SYN3: variants seen among roughly 807,000 people sequenced by gnomAD.
SYN3 encodes the protein synapsin III.
Under a neutral mutation model 65.8 loss-of-function variants are expected in SYN3, and 35 were observed. The observed-to-expected ratio is 0.53, with a 90% CI of 0.41 to 0.70. The LOEUF is 0.70. Among genes scored for constraint, SYN3 ranks in the 30% least tolerant of loss-of-function variants. The pLI is 0.00. For synonymous variants in SYN3, 270 were observed against 292.9 expected (o/e 0.92, Z 0.80); for missense variants, 680 against 749.0 (o/e 0.91, Z 1.08).
intron 6 of SYN3, among the ~76,000 whole-genome samples, chr22:32,682,066 G>A (rs2060530398): frequency 6.6e-6 from 1 of 152,126 alleles, no homozygotes; most frequent in Non-Finnish European, 1.5e-5. Flanking sequence ...CACGGGAGAT[G>A]AGGGGCAGCA....
rs113802014 is a variant in SYN3, at chr22:32,946,085, T to C, written c.370-14604A>G. ...GTGGAGAAATAGGAACACTTTTACATTGTTGGTGGGACTGTAAACTAGTTC... is the reference window on the plus strand; with the variant it reads ...GTGGAGAAATAGGAACACTTTTACACTGTTGGTGGGACTGTAAACTAGTTC... On this transcript the variant is annotated intron_variant, in intron 3 of 13. Coordinates refer to ENST00000358763, the MANE Select transcript of SYN3 (RefSeq NM_003490.4). Among the ~76,000 whole-genome samples the C allele has an allele frequency of 2.4e-4, 36 of 152,274 alleles. No homozygotes were observed. The East Asian group carries it at 4.3e-3, about 18-fold the overall frequency.
At chr22:32,679,998 TA>T (rs2060502450) in intron 6 of SYN3, among the ~76,000 whole-genome samples, 1 of 152,088 alleles carries the variant, frequency 6.6e-6, no homozygotes, top group Admixed American at 6.5e-5. Flanking sequence ...TTTCTCCCAC[TA>T]GAATATAAAC....
chr22:32,636,039 C>T (rs1249263684), intron 6 of SYN3, among the ~76,000 whole-genome samples: 1 of 152,064 alleles, frequency 6.6e-6, no homozygotes, highest in Non-Finnish European at 1.5e-5. Context: ...TGAATGTTGT[C>T]CCCAAAGAAA....
chr22:32,703,531 G>A (rs2060837978), intron 6 of SYN3, among the ~76,000 whole-genome samples: 1 of 152,000 alleles, frequency 6.6e-6, no homozygotes, highest in Non-Finnish European at 1.5e-5. Context: ...CAGCTACTCG[G>A]GAGGCTGAGG....
At chr22:32,585,895 CGT>C (rs1423274080) in intron 7 of SYN3, among the ~76,000 whole-genome samples, 1 of 141,214 alleles carries the variant, frequency 7.1e-6, no homozygotes, top group Non-Finnish European at 1.5e-5. Flanking sequence ...CGTATATATA[CGT>C]ATATATGTGT....
intron 7 of SYN3, among the ~76,000 whole-genome samples, chr22:32,569,563 C>CTATATATA (rs373627613): frequency 4.9e-4 from 26 of 52,874 alleles, no homozygotes; most frequent in Admixed American, 1.9e-3. Context: ...CTCTCTCTCT[C>CTATATATA]TCTCTCTCTA....
chr22:32,606,241 G>A (rs943068380), intron 6 of SYN3, among the ~76,000 whole-genome samples: 1 of 152,210 alleles, frequency 6.6e-6, no homozygotes, highest in African/African-American at 2.4e-5. Flanking sequence ...TGAGGCCCAG[G>A]TTGTGAGCAG....
intron 6 of SYN3, among the ~76,000 whole-genome samples, chr22:32,721,007 G>A (rs932828093): frequency 1.3e-5 from 2 of 152,208 alleles, no homozygotes; most frequent in South Asian, 2.1e-4. Context: ...GGTTCTTGGG[G>A]GCTTTCCTTT....
chr22:32,862,609 G>A (rs909339629), intron 6 of SYN3: 1 of 152,196 alleles, frequency 6.6e-6, no homozygotes, highest in African/African-American at 2.4e-5. Flanking sequence ...TGTCACTAGA[G>A]TATTTTTATG....
At chr22:32,898,868 C>T (rs947524953) in intron 4 of SYN3, among the ~76,000 whole-genome samples, 28 of 152,094 alleles carry the variant, frequency 1.8e-4, no homozygotes, top group East Asian at 3.9e-4. Flanking sequence ...TTTGGGAGGC[C>T]GAGGCGGGTG....
intron 1 of SYN3, among the ~76,000 whole-genome samples, chr22:33,033,123 G>T (rs191623129): frequency 6.6e-6 from 1 of 151,752 alleles, no homozygotes; most frequent in Non-Finnish European, 1.5e-5. Context: ...TGGGACTACA[G>T]GCACCCACCA....
chr22:32,745,800 C>G (rs1207216367), intron 6 of SYN3, among the ~76,000 whole-genome samples: 1 of 151,952 alleles, frequency 6.6e-6, no homozygotes, highest in Non-Finnish European at 1.5e-5. Flanking sequence ...GAGAAAGAAA[C>G]GCAGACAGGA....
At chr22:32,710,921 T>G (rs1216877738) in intron 6 of SYN3, among the ~76,000 whole-genome samples, 1 of 152,160 alleles carries the variant, frequency 6.6e-6, no homozygotes, top group Non-Finnish European at 1.5e-5. Flanking sequence ...CCATGAAAGA[T>G]CATAACAATT....
chr22:32,596,161 G>A (rs1039612012), intron 7 of SYN3, among the ~76,000 whole-genome samples: 4 of 151,890 alleles, frequency 2.6e-5, no homozygotes, highest in African/African-American at 9.7e-5. Flanking sequence ...CTTCCCTTTC[G>A]CCTTCTGACA....
At chr22:32,849,429 A>C (rs775904682) in intron 6 of SYN3, 13 of 1,610,564 alleles carry the variant, frequency 8.1e-6, no homozygotes, top group Non-Finnish European at 1.1e-5. Flanking sequence ...CTAACCTCTT[A>C]TTGTCTCCTT....
chr22:32,907,764 C>A (rs151193879), intron 4 of SYN3, among the ~76,000 whole-genome samples: 1 of 152,244 alleles, frequency 6.6e-6, no homozygotes, highest in East Asian at 1.9e-4. Flanking sequence ...ACGTAAATGA[C>A]CTCATCCAAT....
At chr22:32,976,782 G>A (rs2052203281) in intron 3 of SYN3, among the ~76,000 whole-genome samples, 1 of 152,160 alleles carries the variant, frequency 6.6e-6, no homozygotes, top group Admixed American at 6.5e-5. Context: ...AGACTGGGGG[G>A]AAGAGGATGG....
At chr22:32,534,852 G>T (rs1267066741) in intron 9 of SYN3, among the ~76,000 whole-genome samples, 1 of 152,206 alleles carries the variant, frequency 6.6e-6, no homozygotes, top group African/African-American at 2.4e-5. Flanking sequence ...CAGAGAGGGA[G>T]GGTGGCTGGT....
At chr22:32,805,044 C>T (rs202163368) in intron 6 of SYN3, among the ~76,000 whole-genome samples, 10 of 150,870 alleles carry the variant, frequency 6.6e-5, no homozygotes, top group South Asian at 6.3e-4. Context: ...TGTGTGTGCG[C>T]GTGTGTGGCT....
Sources: gnomAD v4.1 joint callset for allele counts (sites outside exome capture counted in the v4.1 genomes callset) on GRCh38, gnomAD v4.1.1 for gene constraint, MANE v1.5 for transcripts, NCBI Gene and HGNC (gene_info 2026-07-23, HGNC 2026-07-21) for gene names.